Variants in PTHLH observed in about 807,000 individuals in gnomAD.
PTHLH encodes the protein parathyroid hormone-related protein.
PTHLH carries 5 observed loss-of-function variants against 18.6 expected under a neutral mutation model. The observed-to-expected ratio is 0.27, with a 90% CI of 0.14 to 0.56. The LOEUF (loss-of-function observed/expected upper bound fraction) is 0.56. Ranked by LOEUF, PTHLH falls within the 20% of genes least tolerant of loss-of-function variation. The pLI is 0.92. For missense variants in PTHLH, 207 were observed against 223.9 expected (o/e 0.92, Z 0.48); for synonymous variants, 90 against 94.0 (o/e 0.96, Z 0.25).
intron 5 of PTHLH, chr12:27,963,145 C>T (rs2062776222): frequency 1.4e-6 from 2 of 1,460,986 alleles, no homozygotes; most frequent in South Asian, 2.8e-5. Context: ...CTCTATGGTG[C>T]TGGAGGACAG....
intron 1 of PTHLH, among the ~76,000 whole-genome samples, chr12:27,972,247 A>G (rs2120689545): frequency 6.6e-6 from 1 of 152,308 alleles, no homozygotes; most frequent in Non-Finnish European, 1.5e-5. Flanking sequence ...TTGTAAATAA[A>G]TTCACTTTAC....
chr12:27,964,877 T>C lies in PTHLH; in HGVS notation c.102-1107A>G, dbSNP rs377467715. The stretch of plus-strand genomic sequence containing the variant: ...TTATTAACCATATTTACGGACTGCA[T>C]CTGTTAATCAGTCATATCATGCCTG... On this transcript the variant is annotated intron_variant, in intron 4 of 5. Transcript: ENST00000545234. Among the ~76,000 whole-genome samples, 26 of 152,352 alleles carry C rather than the reference T, an allele frequency of 1.7e-4. No homozygotes were observed. In the East Asian group the frequency reaches 3.1e-3, roughly 18 times the overall value.
chr12:27,967,322 T>G (rs1244385478), intron 4 of PTHLH, among the ~76,000 whole-genome samples: 1 of 152,216 alleles, frequency 6.6e-6, no homozygotes, highest in African/African-American at 2.4e-5. Context: ...CTGCTTCCTT[T>G]GCATGGTTTA....
chr12:27,972,659 T>C lies in PTHLH; in HGVS notation c.-495A>G, dbSNP rs2062878888. On this transcript the variant is annotated 5_prime_UTR_variant, in exon 1 of 6. Transcript: ENST00000545234. ...AATCTTAAAATGAATTAAAAGCTTCTTGAAAGGAGACTTCTGTTCCCACTA... is the reference window on the plus strand; with the variant it reads ...AATCTTAAAATGAATTAAAAGCTTCCTGAAAGGAGACTTCTGTTCCCACTA... 1.3e-5 allele frequency: 2 copies of C among 152,230 alleles called. No homozygotes were observed. The highest frequency in any genetic ancestry group is 2.9e-5 in the Non-Finnish European group (2 of 68,044). 9.4% of individuals were successfully genotyped at this position (152,230 alleles called of 1,614,324 possible).
intron 4 of PTHLH, among the ~76,000 whole-genome samples, chr12:27,966,101 T>C (rs1284579093): frequency 6.6e-6 from 1 of 152,196 alleles, no homozygotes; most frequent in Non-Finnish European, 1.5e-5. Flanking sequence ...ATATGCCCCT[T>C]CTCATGGGCA....
At chr12:27,966,395 A>G (rs926658491) in intron 4 of PTHLH, among the ~76,000 whole-genome samples, 3 of 152,234 alleles carry the variant, frequency 2.0e-5, no homozygotes, top group African/African-American at 7.2e-5. Flanking sequence ...CACTTTACTT[A>G]GTATTTCAAA....
At chr12:27,967,678 T>C (rs1481638047) in intron 4 of PTHLH, among the ~76,000 whole-genome samples, 2 of 152,132 alleles carry the variant, frequency 1.3e-5, no homozygotes, top group Non-Finnish European at 2.9e-5. Flanking sequence ...GATGATCTAT[T>C]ACCCATTAAC....
intron 2 of PTHLH, 173 bp from the exon 3 acceptor site, chr12:27,970,440 T>C (rs1331339064): frequency 6.7e-6 from 1 of 150,252 alleles, no homozygotes; most frequent in Non-Finnish European, 1.5e-5. Flanking sequence ...GAGCCGGGAA[T>C]GAGCGGCGAG....
chr12:27,960,016 T>A (rs1001956253), intron 5 of PTHLH, among the ~76,000 whole-genome samples: 1 of 152,194 alleles, frequency 6.6e-6, no homozygotes, highest in Non-Finnish European at 1.5e-5. Context: ...GAAAAAGAAG[T>A]AAGTTAAAGG....
chr12:27,961,995 G>GTA (rs1213182598), intron 5 of PTHLH: 11 of 681,736 alleles, frequency 1.6e-5, no homozygotes, highest in Non-Finnish European at 2.3e-5. Flanking sequence ...CAGAAGTGCT[G>GTA]TACTGAAAAG....
chr12:27,963,157 G>A (rs1198642957), intron 5 of PTHLH, 191 bp downstream of exon 5: 8 of 1,479,508 alleles, frequency 5.4e-6, no homozygotes, highest in Admixed American at 2.2e-5. Context: ...GGAGGACAGG[G>A]GTGTGTGTGG....
intron 5 of PTHLH, among the ~76,000 whole-genome samples, chr12:27,961,276 C>CATATATATGTGTATATATATATACAT (rs2062750510): frequency 2.1e-4 from 11 of 52,748 alleles, no homozygotes; most frequent in African/African-American, 7.5e-4. Flanking sequence ...TTTTATAACT[C>CATATATATGTGTATATATATATACAT]ATATATATAC....
In PTHLH at chr12:27,963,178, C is replaced by T. The variant is rs2796; in HGVS notation, c.524+170G>A. 67,102 of 1,499,164 alleles carry T rather than the reference C, an allele frequency of 0.045. 2,125 individuals carry two copies. Among genetic ancestry groups the T allele is most frequent in the Admixed American group, 0.14 (6,742 of 48,626 alleles). The allele number at this position is 1,499,164 out of a possible 1,614,324, so 92.9% of individuals were successfully genotyped here. A position where few individuals can be genotyped will look rare whatever the true frequency, so the allele number is the denominator to read the frequency against. ...CAGGGGTGTGTGTGGTAGGGGGGTACTGCTTTAAGGCAGACAATATTCTGA... is the reference window on the plus strand; with the variant it reads ...CAGGGGTGTGTGTGGTAGGGGGGTATTGCTTTAAGGCAGACAATATTCTGA... On this transcript the variant is annotated intron_variant, in intron 5 of 5. Transcript: ENST00000545234.
intron 5 of PTHLH, chr12:27,962,554 C>T: frequency 1.0e-6 from 1 of 985,432 alleles, no homozygotes; most frequent in Non-Finnish European, 1.2e-6. Flanking sequence ...TCATTATTAC[C>T]TCAATCTGTG....
intron 5 of PTHLH, among the ~76,000 whole-genome samples, chr12:27,959,270 G>C (rs1235430133): frequency 1.3e-5 from 2 of 152,194 alleles, no homozygotes; most frequent in Non-Finnish European, 2.9e-5. Context: ...CTCTCACTCT[G>C]TTGGTTTTTG....
Position 27,963,532 on chromosome 12 carries a change from A to T in PTHLH, c.340T>A (p.Tyr114Asn), listed in dbSNP as rs769825766. ...LTQETNKVETYKEQPLKTPGK... is the reference protein window; with the variant it reads ...LTQETNKVETNKEQPLKTPGK... The stretch of plus-strand genomic sequence containing the variant: ...GGTGTCTTGAGCGGCTGCTCTTTGT[A>T]CGTCTCCACCTTGTTAGTTTCCTGA... The change falls in exon 5 of 6, where the codon TAC becomes AAC. Residue 114 changes from tyrosine to asparagine, a missense_variant. Tyr to Asn is a moderately radical substitution (Grantham distance 143). Transcript: ENST00000545234. 1 of 1,613,896 alleles carries T rather than the reference A, an allele frequency of 6.2e-7. No individual in the cohort carries two copies. The highest frequency in any genetic ancestry group is 8.5e-7 in the Non-Finnish European group (1 of 1,179,972).
chr12:27,967,543 G>A (rs2062826268), intron 4 of PTHLH, among the ~76,000 whole-genome samples: 1 of 152,158 alleles, frequency 6.6e-6, no homozygotes, highest in Non-Finnish European at 1.5e-5. Flanking sequence ...AAAATTTACT[G>A]TTACTTGGCA....
chr12:27,963,851 CTT>C, intron 4 of PTHLH, 81 bp from the exon 5 acceptor site: 3 of 1,422,596 alleles, frequency 2.1e-6, no homozygotes, highest in Non-Finnish European at 2.9e-6. Context: ...GAGTAAATCT[CTT>C]TAGTTTTCTA....
intron 2 of PTHLH, among the ~76,000 whole-genome samples, chr12:27,970,814 C>G (rs1231127352): frequency 6.6e-6 from 1 of 152,156 alleles, no homozygotes; most frequent in East Asian, 1.9e-4. Flanking sequence ...TTTAAGGAGC[C>G]CGAAGCTCGC....
Sources: gnomAD v4.1 joint callset for allele counts (sites outside exome capture counted in the v4.1 genomes callset) on GRCh38, gnomAD v4.1.1 for gene constraint, MANE v1.5 for transcripts, NCBI Gene and HGNC (gene_info 2026-07-23, HGNC 2026-07-21) for gene names.